NSMAF: variants seen among roughly 807,000 people sequenced by gnomAD.
The protein encoded by NSMAF is protein FAN.
Under a neutral mutation model 134.9 loss-of-function variants are expected in NSMAF, and 90 were observed. The observed-to-expected ratio is 0.67, with a 90% CI of 0.56 to 0.79. The LOEUF (loss-of-function observed/expected upper bound fraction) is 0.79, where lower values mean the gene tolerates loss of function less well. Ranked by LOEUF, NSMAF falls within the 30% of genes least tolerant of loss-of-function variation. The pLI is 0.00. For synonymous variants in NSMAF, 358 were observed against 389.6 expected, an observed-to-expected ratio of 0.92 and a Z score of 0.96; for missense variants, 1,010 against 1,119.0, an observed-to-expected ratio of 0.90 and a Z score of 1.39.
intron 4 of NSMAF, 32 bp downstream of exon 4, chr8:58,635,273 A>C (rs146232790): frequency 6.2e-7 from 1 of 1,608,546 alleles, no homozygotes; most frequent in Non-Finnish European, 8.5e-7. Context: ...TTTTGGTTGA[A>C]GTAAAATTAA....
chr8:58,645,243 C>G (rs1807419107), intron 1 of NSMAF, among the ~76,000 whole-genome samples: 1 of 150,704 alleles, frequency 6.6e-6, no homozygotes. Flanking sequence ...CCATACTGCA[C>G]TCTGGCATGT....
intron 10 of NSMAF, among the ~76,000 whole-genome samples, chr8:58,608,075 A>G (rs911134497): frequency 2.6e-5 from 4 of 152,248 alleles, no homozygotes; most frequent in African/African-American, 9.6e-5. Flanking sequence ...CCTGCAAATG[A>G]TAATGCAATC....
chr8:58,587,655 T>A lies in NSMAF; in HGVS notation c.2258A>T (p.His753Leu). The change falls in exon 27 of 31, where the codon CAC becomes CTC. Residue 753 changes from histidine to leucine, a missense_variant. Coordinates refer to ENST00000038176, the MANE Select transcript of NSMAF (RefSeq NM_003580.4). Reference protein sequence around the residue: ...PAEMPGTKRHHFDLLAELEHD... With the variant: ...PAEMPGTKRHLFDLLAELEHD... ...TTCCAGCTCGGCCAGCAAGTCAAAGTGGTGTCTTTTGGTGCCTGGCATCTC... is the reference window on the plus strand; with the variant it reads ...TTCCAGCTCGGCCAGCAAGTCAAAGAGGTGTCTTTTGGTGCCTGGCATCTC... 6.2e-7 allele frequency: 1 copy of A among 1,614,230 alleles called. No individual in the cohort carries two copies. Among genetic ancestry groups the A allele is most frequent in the South Asian group, 1.1e-5 (1 of 91,090 alleles).
intron 13 of NSMAF, among the ~76,000 whole-genome samples, chr8:58,602,855 A>G (rs991101334): frequency 9.2e-5 from 14 of 152,264 alleles, no homozygotes; most frequent in African/African-American, 3.4e-4. Context: ...ACAGTTTTTA[A>G]TGTGATTTTT....
chr8:58,639,325 T>C (rs149004252), intron 2 of NSMAF, among the ~76,000 whole-genome samples: 2,293 of 149,076 alleles, frequency 0.015, 22 homozygotes, highest in Middle Eastern at 0.038. Context: ...GAAGAAGACA[T>C]ACAAATGGCC....
chr8:58,655,076 T>C (rs1420377414), intron 1 of NSMAF, among the ~76,000 whole-genome samples: 1 of 152,002 alleles, frequency 6.6e-6, no homozygotes. Flanking sequence ...TGACCTCAAG[T>C]GATCCACCCA....
intron 9 of NSMAF, among the ~76,000 whole-genome samples, chr8:58,618,376 T>C (rs1806711732): frequency 6.6e-6 from 1 of 151,966 alleles, no homozygotes; most frequent in South Asian, 2.1e-4. Flanking sequence ...ATATTTTTAA[T>C]GATTTTATAT....
rs1806484522 is a variant in NSMAF, at chr8:58,609,717, C to T, written c.574G>A (p.Glu192Lys). 6.2e-7 allele frequency: 1 copy of T among 1,613,954 alleles called. No homozygotes were observed. Among genetic ancestry groups the T allele is most frequent in the African/African-American group, 1.3e-5 (1 of 74,932 alleles). Residue 192 changes from glutamate (E) to lysine (K), a missense_variant, in exon 10 of 31, where the codon GAA (glutamate) becomes AAA (lysine). Glu to Lys is a moderately conservative substitution (Grantham distance 56, BLOSUM62 1). Transcript: ENST00000038176. The part of the protein sequence containing the change: ...FDKNRFQNIS[E>K]KLHMECKAEM... ...GCTTTGCATTCCATGTGCAGCTTTTCAGAAATGTTTTGGAACCTGAAAATA... is the reference window on the plus strand; with the variant it reads ...GCTTTGCATTCCATGTGCAGCTTTTTAGAAATGTTTTGGAACCTGAAAATA...
At chr8:58,593,621 C>G (rs1241866770) in intron 23 of NSMAF, among the ~76,000 whole-genome samples, 2 of 152,142 alleles carry the variant, frequency 1.3e-5, no homozygotes, top group Non-Finnish European at 2.9e-5. Flanking sequence ...CCAAGACATA[C>G]TTTAATGAAT....
chr8:58,655,477 G>GT (rs150791010), intron 1 of NSMAF, among the ~76,000 whole-genome samples: 16,829 of 150,536 alleles, frequency 0.11, 987 homozygotes, highest in African/African-American at 0.15. Context: ...ATAGCTCACT[G>GT]TAACCTTGGA....
At chr8:58,652,862 A>G (rs1292658435) in intron 1 of NSMAF, among the ~76,000 whole-genome samples, 1 of 152,254 alleles carries the variant, frequency 6.6e-6, no homozygotes, top group Non-Finnish European at 1.5e-5. Context: ...GTTTATCATC[A>G]TCCAACCCTG....
intron 9 of NSMAF, among the ~76,000 whole-genome samples, chr8:58,619,880 C>A (rs951760891): frequency 1.3e-5 from 2 of 152,088 alleles, no homozygotes; most frequent in South Asian, 4.1e-4. Context: ...ATTCAGATGG[C>A]AGTGCCTAAG....
Position 58,605,916 on chromosome 8 carries a change from G to T in NSMAF, c.868+11C>A. On this transcript the variant is annotated intron_variant, in intron 12 of 30. Coordinates refer to ENST00000038176, the MANE Select transcript of NSMAF (RefSeq NM_003580.4). ...AAAAAAGAAAGAAACAATGAAGGGT[G>T]AGCGCCAAACCTAGGTATGTGGCAA... 1 of 1,541,238 alleles carries T rather than the reference G, an allele frequency of 6.5e-7. No homozygotes were observed. The highest frequency in any genetic ancestry group is 1.3e-5 in the South Asian group (1 of 78,142).
intron 1 of NSMAF, among the ~76,000 whole-genome samples, chr8:58,648,064 G>A (rs1807501944): frequency 6.6e-6 from 1 of 152,156 alleles, no homozygotes; most frequent in South Asian, 2.1e-4. Flanking sequence ...GGACAGTGAA[G>A]GTCAGGCTGA....
At chr8:58,590,969 G>T (rs1340366255) in intron 23 of NSMAF, 35 bp from the exon 24 acceptor site, 2 of 1,550,532 alleles carry the variant, frequency 1.3e-6, no homozygotes, top group Non-Finnish European at 1.8e-6. Context: ...ATATAAGAAA[G>T]ATTTCCTAAC....
In NSMAF at chr8:58,602,145, CATAAATCA is replaced by C; in HGVS notation, c.1046-16_1046-9del. On this transcript the variant is annotated splice_polypyrimidine_tract_variant and intron_variant, in intron 13 of 30. Coordinates refer to ENST00000038176, the MANE Select transcript of NSMAF (RefSeq NM_003580.4). ...TTCCTGGATTTGACAAATCTATAAACATAAATCAATAAATAACTTCAGCTTATACTTAG... is the reference window on the plus strand; with the variant it reads ...TTCCTGGATTTGACAAATCTATAAACATAAATAACTTCAGCTTATACTTAG... The C allele has an allele frequency of 7.5e-6, 12 of 1,605,070 alleles. No individual in the cohort carries two copies. Among genetic ancestry groups the C allele is most frequent in the African/African-American group, 1.3e-5 (1 of 74,790 alleles).
At chr8:58,635,412 G>A in intron 3 of NSMAF, 40 bp from the exon 4 acceptor site, 2 of 1,573,896 alleles carry the variant, frequency 1.3e-6, no homozygotes, top group Non-Finnish European at 1.7e-6. Flanking sequence ...AATCAAGAAA[G>A]GTAAGACATA....
chr8:58,594,618 A>G (rs893413687), intron 22 of NSMAF: 1 of 324,976 alleles, frequency 3.1e-6, no homozygotes, highest in African/African-American at 2.1e-5. Flanking sequence ...CAAAAGGACA[A>G]ACTCTTCTTC....
At chr8:58,605,880 C>CA (rs371910886) in intron 12 of NSMAF, 47 bp downstream of exon 12, 226,751 of 1,218,938 alleles carry the variant, frequency 0.19, 1,193 homozygotes, top group Non-Finnish European at 0.2. Flanking sequence ...ACTCAGCCTC[C>CA]AAAAAAAAAA....
Sources: allele counts gnomAD v4.1 joint callset (sites outside exome capture counted in the v4.1 genomes callset), GRCh38; gene constraint gnomAD v4.1.1; transcripts MANE v1.5; gene names NCBI Gene and HGNC (gene_info 2026-07-23, HGNC 2026-07-21).